Variants in DNAAF5 observed in about 807,000 individuals in gnomAD.
DNAAF5 encodes the protein HEAT repeat containing 2.
A neutral mutation model predicts 75.8 loss-of-function variants in DNAAF5; 64 were observed. That is an observed-to-expected ratio of 0.84 (90% CI 0.69 to 1.04). DNAAF5 has a LOEUF of 1.04. DNAAF5 is among the 50% of genes least tolerant of loss of function. DNAAF5 has a pLI of 0.00. For missense variants in DNAAF5, 1,269 were observed against 1,178.5 expected (o/e 1.08, Z -1.12); for synonymous variants, 657 against 557.2 (o/e 1.18, Z -2.52).
chr7:753,438 G>A (rs1562386048), intron 4 of DNAAF5, among the ~76,000 whole-genome samples: 1 of 152,248 alleles, frequency 6.6e-6, no homozygotes, highest in Non-Finnish European at 1.5e-5. Context: ...ATCCAGGGGT[G>A]CCGGGGTGCC....
rs1779120201 is a variant in DNAAF5, at chr7:785,587, G to A, written c.2502G>A (p.Lys834=). The A allele has an allele frequency of 1.9e-6, 3 of 1,613,330 alleles. No individual in the cohort carries two copies. The highest frequency in any genetic ancestry group is 4.5e-5 in the East Asian group (2 of 44,874). ...LVRETEAVIH[K]HRSATYCEQL... is the part of the protein sequence containing the mutation. ...GGGAGACGGAGGCCGTCATCCACAA[G>A]CACCGCTCGGCCACCTACTGCGAGC... The change falls in exon 13 of 13, where the codon AAG becomes AAA. Residue 834 remains lysine, a synonymous_variant. Transcript: ENST00000297440.
chr7:780,465 T>C (rs1049706051), intron 12 of DNAAF5, among the ~76,000 whole-genome samples: 3 of 152,230 alleles, frequency 2.0e-5, no homozygotes, highest in African/African-American at 7.2e-5. Flanking sequence ...CAAAACAAAA[T>C]CATCTGCAAG....
chr7:727,181 A>T lies in DNAAF5; in HGVS notation c.461A>T (p.Asp154Val), dbSNP rs1583468211. The change falls in exon 1 of 13, where the codon GAC (aspartate) becomes GTC (valine). Residue 154 changes from aspartate (D) to valine (V), a missense_variant. Asp to Val is a radical substitution (Grantham distance 152, BLOSUM62 -3). Transcript: ENST00000297440. ...GTGCAGCTGCTGGGCCTGGCCGTGG[A>T]CCTGTGCGGCGCCGCGCTCGCGCCC... ...ALVQLLGLAV[D>V]LCGAALAPHL... The T allele has an allele frequency of 1.5e-6, 2 of 1,337,934 alleles. No individual in the cohort carries two copies. The highest frequency in any genetic ancestry group is 1.5e-5 in the African/African-American group (1 of 64,698). The allele number at this position is 1,337,934 out of a possible 1,614,324, so 82.9% of individuals were successfully genotyped here.
chr7:728,430 C>T (rs1490329618), intron 1 of DNAAF5, among the ~76,000 whole-genome samples: 1 of 152,146 alleles, frequency 6.6e-6, no homozygotes, highest in East Asian at 1.9e-4. Context: ...GTTAAAAGAT[C>T]ACTGCAGCTG....
chr7:771,808 T>C (rs1778574259), intron 9 of DNAAF5: 1 of 152,240 alleles, frequency 6.6e-6, no homozygotes, highest in Non-Finnish European at 1.5e-5. Context: ...CAGTTAACTC[T>C]GCAGAGCACA....
At chr7:782,231 C>T (rs200204041) in intron 12 of DNAAF5, among the ~76,000 whole-genome samples, 74 of 150,510 alleles carry the variant, frequency 4.9e-4, no homozygotes, top group Non-Finnish European at 8.3e-4. Flanking sequence ...TCCCGTCGCG[C>T]GGCGTCAGAA....
At chr7:735,757 TG>T (rs1408333355) in intron 2 of DNAAF5, among the ~76,000 whole-genome samples, 1 of 152,148 alleles carries the variant, frequency 6.6e-6, no homozygotes, top group Non-Finnish European at 1.5e-5. Flanking sequence ...GTTGGTCTTT[TG>T]TATTTTTTTT....
chr7:737,434 T>C (rs1415448621), intron 2 of DNAAF5, among the ~76,000 whole-genome samples: 1 of 152,236 alleles, frequency 6.6e-6, no homozygotes, highest in African/African-American at 2.4e-5. Flanking sequence ...TTAGTCTTTC[T>C]AGTCAAGATG....
intron 9 of DNAAF5, chr7:771,877 G>T (rs2128084161): frequency 6.6e-6 from 1 of 152,384 alleles, no homozygotes; most frequent in East Asian, 1.9e-4. Context: ...CTTGTGGAAG[G>T]CGGTTGGCGT....
rs768388987 is a variant in DNAAF5, at chr7:727,263, C to G, written c.543C>G (p.Ala181=). Residue 181 remains alanine (A), a synonymous_variant, in exon 1 of 13, where the codon GCC becomes GCG. Transcript: ENST00000297440. ...LRCSLLDPFA[A]VRRESCSCAA... is the part of the protein sequence containing the mutation. The stretch of plus-strand genomic sequence containing the variant: ...GCTCCCTGCTCGACCCCTTCGCCGC[C>G]GTGCGCCGCGAGAGCTGCAGCTGCG... 38 of 1,330,718 alleles carry G rather than the reference C, an allele frequency of 2.9e-5. No homozygotes were observed. Among genetic ancestry groups the G allele is most frequent in the South Asian group, 7.7e-5 (4 of 52,268 alleles). The allele number at this position is 1,330,718 out of a possible 1,614,324, so 82.4% of individuals were successfully genotyped here. A position where few individuals can be genotyped will look rare whatever the true frequency, so the allele number is the denominator to read the frequency against.
chr7:750,145 G>C (rs1217462703), intron 4 of DNAAF5, among the ~76,000 whole-genome samples: 1 of 152,180 alleles, frequency 6.6e-6, no homozygotes, highest in Non-Finnish European at 1.5e-5. Flanking sequence ...TCCTTTTTCT[G>C]TGTTTGGAAA....
In DNAAF5 at chr7:774,111, T is replaced by C. The variant is rs768081340; in HGVS notation, c.1995T>C (p.His665=). 3 of 1,613,516 alleles carry C rather than the reference T, an allele frequency of 1.9e-6. No individual in the cohort carries two copies. Among genetic ancestry groups the C allele is most frequent in the Non-Finnish European group, 2.5e-6 (3 of 1,179,988 alleles). ...TCCTGGCCCCCAATCTGCAGTGGCA[T>C]GCGGGGAGGACAGCCGCGGCCATCC... ...KDILAPNLQW[H]AGRTAAAIRT... Residue 665 remains histidine (H), a synonymous_variant, in exon 10 of 13, where the codon CAT becomes CAC. Coordinates refer to ENST00000297440, the MANE Select transcript of DNAAF5 (RefSeq NM_017802.4).
rs1335734606 is a variant in DNAAF5, at chr7:774,073, G to A, written c.1957G>A (p.Val653Met). The A allele has an allele frequency of 1.9e-6, 3 of 1,614,048 alleles. No individual in the cohort carries two copies. The highest frequency in any genetic ancestry group is 2.5e-6 in the Non-Finnish European group (3 of 1,180,010). The change falls in exon 10 of 13, where the codon GTG (valine) becomes ATG (methionine). Residue 653 changes from valine (V) to methionine (M), a missense_variant. Val to Met is a conservative substitution (Grantham distance 21). Transcript: ENST00000297440. ...QGQFPSYLET[V>M]TKDILAPNLQ... ...GCAGTTTCCCAGCTACCTCGAGACG[G>A]TGACAAAGGACATCCTGGCCCCCAA...
At chr7:780,826 C>CTTTTTTTTTTTTTTTTT (rs201445917) in intron 12 of DNAAF5, among the ~76,000 whole-genome samples, 2 of 131,240 alleles carry the variant, frequency 1.5e-5, no homozygotes, top group Admixed American at 7.6e-5. Context: ...TTTTTTTTTT[C>CTTTTTTTTTTTTTTTTT]TTTTTTTTTT....
At chr7:738,748 G>A (rs1420479865) in intron 2 of DNAAF5, among the ~76,000 whole-genome samples, 10 of 152,218 alleles carry the variant, frequency 6.6e-5, no homozygotes, top group Admixed American at 2.0e-4. Context: ...GTGGCAGTCC[G>A]TGAGACTCAG....
In DNAAF5 at chr7:764,981, C is replaced by T. The variant is rs187848707; in HGVS notation, c.1783+1007C>T. Among the ~76,000 whole-genome samples the T allele has an allele frequency of 5.9e-5, 9 of 152,066 alleles. No individual in the cohort carries two copies. The East Asian group carries it at 1.4e-3, about 23-fold the overall frequency. On this transcript the variant is annotated intron_variant, in intron 8 of 12. Transcript: ENST00000297440. ...AATAAATAAAATACAGTTAGCCAGG[C>T]GTGGTGGTGTGCGCCTGTGGCCCCA...
chr7:747,215 G>A (rs906811606), intron 4 of DNAAF5, among the ~76,000 whole-genome samples: 2 of 152,184 alleles, frequency 1.3e-5, no homozygotes, highest in Non-Finnish European at 2.9e-5. Flanking sequence ...CACACCCTTC[G>A]CGCCATGTCG....
rs751643186 is a variant in DNAAF5 at position 756,866 on chromosome 7, C to T, written c.1342C>T (p.Pro448Ser). 39 of 1,613,736 alleles carry T rather than the reference C, an allele frequency of 2.4e-5. No homozygotes were observed. In the South Asian group the frequency reaches 2.5e-4, roughly 10 times the overall value. ...GATCTTATCGACGCTGAAGAAGACG[C>T]CCTCTGCCTCCGGCCTCCTGGTGCT... ...KLILSTLKKT[P>S]SASGLLVLAS... is the part of the protein sequence containing the mutation. The change falls in exon 6 of 13, where the codon CCC (proline) becomes TCC (serine). Residue 448 changes from proline to serine, a missense_variant. Pro to Ser is a moderately conservative substitution (Grantham distance 74). Transcript: ENST00000297440.
At chr7:777,627 A>G (rs1397525825) in intron 11 of DNAAF5, among the ~76,000 whole-genome samples, 1 of 152,224 alleles carries the variant, frequency 6.6e-6, no homozygotes, top group East Asian at 1.9e-4. Flanking sequence ...ACTTAATGTG[A>G]TTATCTATAT....
Sources: gnomAD v4.1 joint callset for allele counts (sites outside exome capture counted in the v4.1 genomes callset) on GRCh38, gnomAD v4.1.1 for gene constraint, MANE v1.5 for transcripts, NCBI Gene and HGNC (gene_info 2026-07-23, HGNC 2026-07-21) for gene names.